The following RPRD1B variants were observed in gnomAD, a reference collection of about 807,000 sequenced individuals.
The protein encoded by RPRD1B is regulation of nuclear pre-mRNA domain-containing protein 1B.
Under a neutral mutation model 41.5 loss-of-function variants are expected in RPRD1B, and 11 were observed. That is an observed-to-expected ratio of 0.27 (90% CI 0.17 to 0.44). RPRD1B has a LOEUF of 0.44. RPRD1B is among the 20% of genes least tolerant of loss of function. The pLI, the probability that RPRD1B is intolerant of heterozygous loss-of-function variation, is 1.00. For missense variants in RPRD1B, 248 were observed against 389.9 expected, an observed-to-expected ratio of 0.64 and a Z score of 3.06; for synonymous variants, 158 against 155.6, an observed-to-expected ratio of 1.02 and a Z score of -0.12.
At chr20:38,066,056 A>T (rs540401697) in intron 5 of RPRD1B, 25 bp from the exon 6 acceptor site, 1 of 1,608,108 alleles carries the variant, frequency 6.2e-7, no homozygotes, top group African/African-American at 1.3e-5. Context: ...TATTTTCTCT[A>T]TTTTTTGGTC....
chr20:38,041,641 T>G (rs1006528103), intron 2 of RPRD1B, among the ~76,000 whole-genome samples: 2 of 152,214 alleles, frequency 1.3e-5, no homozygotes, highest in Admixed American at 6.5e-5. Flanking sequence ...TAGACAGATT[T>G]TCTTGCTTTG....
Position 38,057,576 on chromosome 20 carries a change from C to CAGG in RPRD1B, c.471_473dup (p.Glu157dup). The CAGG allele has an allele frequency of 1.9e-6, 3 of 1,614,108 alleles. No individual in the cohort carries two copies. The highest frequency in any genetic ancestry group is 2.5e-6 in the Non-Finnish European group (3 of 1,179,978). On this transcript the variant is annotated inframe_insertion, in exon 4 of 7. Coordinates refer to ENST00000373433, the MANE Select transcript of RPRD1B (RefSeq NM_021215.4). The stretch of plus-strand genomic sequence containing the variant: ...TCTGAAACGAACTTTTCAGCAAATT[C>CAGG]AGGAGGAGGAGGATGACGACTACCC...
rs150397040 is a variant in RPRD1B, at chr20:38,038,490, GT to G, written c.152-1921del. Among the ~76,000 whole-genome samples, 454 of 76,766 alleles carry G rather than the reference GT, an allele frequency of 5.9e-3. 1 individual carries two copies. The highest frequency in any genetic ancestry group is 8.7e-3 in the Non-Finnish European group (338 of 38,924). 50.4% of individuals were successfully genotyped at this position (76,766 alleles called of 152,430 possible). A position where few individuals can be genotyped will look rare whatever the true frequency, so the allele number is the denominator to read the frequency against. On this transcript the variant is annotated intron_variant, in intron 1 of 6. Transcript: ENST00000373433. ...ACGCCCGGCTGATTTTTTTTGTTTT[GT>G]TTTTTTTTTTTTTTTTTTTTTTTGA...
At chr20:38,089,245 A>G (rs1246069930) in intron 6 of RPRD1B, among the ~76,000 whole-genome samples, 7 of 152,138 alleles carry the variant, frequency 4.6e-5, no homozygotes, top group Non-Finnish European at 1.5e-5. Flanking sequence ...GCAGTGGGGT[A>G]TTTTGAGCTT....
At chr20:38,049,364 T>C (rs1486422736) in intron 3 of RPRD1B, among the ~76,000 whole-genome samples, 9 of 141,674 alleles carry the variant, frequency 6.4e-5, no homozygotes, top group Non-Finnish European at 9.1e-5. Context: ...TCTTTCTTTT[T>C]TTCTTTTTTT....
intron 1 of RPRD1B, among the ~76,000 whole-genome samples, chr20:38,038,601 A>G (rs1473373071): frequency 7.3e-6 from 1 of 136,260 alleles, no homozygotes; most frequent in African/African-American, 2.8e-5. Context: ...GGCTCACCCC[A>G]TTGTCCTGCC....
At chr20:38,072,738 AT>A (rs1196289594) in intron 6 of RPRD1B, among the ~76,000 whole-genome samples, 1 of 151,282 alleles carries the variant, frequency 6.6e-6, no homozygotes, top group African/African-American at 2.4e-5. Context: ...TGCATTTGAT[AT>A]TATAAAGGCC....
chr20:38,055,599 C>T (rs1295075909), intron 3 of RPRD1B, among the ~76,000 whole-genome samples: 1 of 152,144 alleles, frequency 6.6e-6, no homozygotes, highest in African/African-American at 2.4e-5. Context: ...CATCCTGCAG[C>T]GTGCTCTTTC....
intron 2 of RPRD1B, among the ~76,000 whole-genome samples, chr20:38,045,134 T>A (rs2074108420): frequency 6.6e-6 from 1 of 152,242 alleles, no homozygotes; most frequent in African/African-American, 2.4e-5. Context: ...ATTGAATTTG[T>A]TATTAATCAG....
intron 6 of RPRD1B, among the ~76,000 whole-genome samples, chr20:38,084,818 C>T (rs894175916): frequency 5.3e-5 from 8 of 152,218 alleles, no homozygotes; most frequent in Admixed American, 2.6e-4. Flanking sequence ...CTCAGAACTA[C>T]ACATTGGGCC....
chr20:38,048,027 G>A (rs773791945), intron 2 of RPRD1B, among the ~76,000 whole-genome samples: 2 of 151,928 alleles, frequency 1.3e-5, no homozygotes, highest in Non-Finnish European at 2.9e-5. Context: ...AGAATGTCTG[G>A]CATTTTAATT....
At chr20:38,053,680 G>A (rs1437318279) in intron 3 of RPRD1B, among the ~76,000 whole-genome samples, 2 of 152,162 alleles carry the variant, frequency 1.3e-5, no homozygotes, top group Admixed American at 1.3e-4. Flanking sequence ...GCTTTAGGAA[G>A]ATTAATTTAA....
intron 6 of RPRD1B, among the ~76,000 whole-genome samples, chr20:38,077,132 A>T (rs2074470106): frequency 6.6e-6 from 1 of 151,366 alleles, no homozygotes; most frequent in Non-Finnish European, 1.5e-5. Flanking sequence ...TGACCAGGCG[A>T]GTCTTGAACT....
intron 4 of RPRD1B, among the ~76,000 whole-genome samples, chr20:38,058,250 C>T (rs1488669030): frequency 2.0e-5 from 3 of 150,702 alleles, no homozygotes; most frequent in African/African-American, 7.3e-5. Context: ...CTTTTCAAGG[C>T]GGGGGCGGGG....
chr20:38,070,275 A>G (rs1568657776), intron 6 of RPRD1B: 2 of 985,436 alleles, frequency 2.0e-6, no homozygotes, highest in South Asian at 4.7e-5. Flanking sequence ...ACACCAGGCA[A>G]GGGTGGAAGG....
intron 2 of RPRD1B, among the ~76,000 whole-genome samples, chr20:38,040,905 T>A (rs1020884722): frequency 1.7e-4 from 26 of 152,232 alleles, no homozygotes; most frequent in Non-Finnish European, 1.6e-4. Flanking sequence ...TAAGGGAACC[T>A]TTTAGTAACA....
chr20:38,089,197 T>C (rs1286660755), intron 6 of RPRD1B, among the ~76,000 whole-genome samples: 1 of 152,114 alleles, frequency 6.6e-6, no homozygotes, highest in African/African-American at 2.4e-5. Context: ...CTGCAGTGAC[T>C]CAGTTATGGA....
At chr20:38,086,444 C>T (rs185180971) in intron 6 of RPRD1B, among the ~76,000 whole-genome samples, 208 of 152,330 alleles carry the variant, frequency 1.4e-3, no homozygotes, top group Non-Finnish European at 2.6e-3. Flanking sequence ...GTTATCCTTG[C>T]CAATACATTT....
chr20:38,062,055 A>G (rs902615945), intron 5 of RPRD1B, among the ~76,000 whole-genome samples: 1 of 152,146 alleles, frequency 6.6e-6, no homozygotes, highest in Admixed American at 6.5e-5. Context: ...AGAAGGAGGT[A>G]TTACCGTGGA....
Sources: gnomAD v4.1 joint callset for allele counts (sites outside exome capture counted in the v4.1 genomes callset) on GRCh38, gnomAD v4.1.1 for gene constraint, MANE v1.5 for transcripts, NCBI Gene and HGNC (gene_info 2026-07-23, HGNC 2026-07-21) for gene names.